Variants in RPS6KA2 observed in about 807,000 individuals in gnomAD.
RPS6KA2 encodes the protein ribosomal protein S6 kinase alpha-2.
In RPS6KA2, 42 loss-of-function variants were observed where a neutral mutation model predicts 91.8. That is an observed-to-expected ratio of 0.46 (90% confidence interval 0.36 to 0.59). The LOEUF is 0.59. Among genes scored for constraint, RPS6KA2 ranks in the 20% least tolerant of loss-of-function variants. The pLI is 0.00. For synonymous variants in RPS6KA2, 414 were observed against 393.6 expected (o/e 1.05, Z -0.61); for missense variants, 798 against 978.5 (o/e 0.82, Z 2.46).
intron 3 of RPS6KA2, among the ~76,000 whole-genome samples, chr6:166,522,603 CTG>C (rs1782898237): frequency 2.0e-5 from 3 of 152,224 alleles, no homozygotes; most frequent in African/African-American, 7.2e-5. Flanking sequence ...GTCTCCCCCA[CTG>C]CGCGGCCATT....
chr6:166,586,402 A>T (rs1459820524), intron 1 of RPS6KA2: 2 of 1,599,438 alleles, frequency 1.3e-6, no homozygotes, highest in Non-Finnish European at 1.7e-6. Flanking sequence ...TATTCCTGAT[A>T]CTCCTTGTCA....
rs751151339 is a variant in RPS6KA2, at chr6:166,498,590, G to A, written c.665C>T (p.Thr222Met). 10 of 1,613,700 alleles carry A rather than the reference G, an allele frequency of 6.2e-6. No individual in the cohort carries two copies. The highest frequency in any genetic ancestry group is 1.1e-5 in the South Asian group (1 of 91,036). ...HDKRAYSFCG[T>M]IEYMAPEVVN... is the part of the protein sequence containing the mutation. ...CACCTCGGGCGCCATGTACTCGATC[G>A]TCCCGCAGAAGGAGTACGCTCTCTT... Residue 222 changes from threonine (T) to methionine (M), a missense_variant, in exon 8 of 21, where the codon ACG becomes ATG. Physicochemically the swap from Thr to Met is moderately conservative, Grantham distance 81. Coordinates refer to ENST00000265678, the MANE Select transcript of RPS6KA2 (RefSeq NM_021135.6).
At chr6:166,687,631 T>A (rs1334616548) in intron 2 of RPS6KA2, among the ~76,000 whole-genome samples, 1 of 152,238 alleles carries the variant, frequency 6.6e-6, no homozygotes, top group Non-Finnish European at 1.5e-5. Context: ...ATTATTTGAA[T>A]TGCAGGAATC....
chr6:166,646,105 T>A (rs1787593014), intron 2 of RPS6KA2, among the ~76,000 whole-genome samples: 2 of 152,238 alleles, frequency 1.3e-5, no homozygotes, highest in Admixed American at 1.3e-4. Context: ...TTGGGAAATT[T>A]GCCATGGTCC....
intron 1 of RPS6KA2, among the ~76,000 whole-genome samples, chr6:166,574,228 C>T (rs191312598): frequency 1.8e-4 from 27 of 152,310 alleles, no homozygotes; most frequent in African/African-American, 4.8e-4. Flanking sequence ...TATTGCATGA[C>T]GCTGTGGCCT....
At chr6:166,600,286 C>G (rs115234956) in intron 1 of RPS6KA2, among the ~76,000 whole-genome samples, 13 of 152,180 alleles carry the variant, frequency 8.5e-5, no homozygotes, top group Admixed American at 7.9e-4. Flanking sequence ...ATGACAGGCA[C>G]GAGCCATCAT....
chr6:166,502,161 C>T (rs556190968), intron 6 of RPS6KA2, among the ~76,000 whole-genome samples: 3 of 152,018 alleles, frequency 2.0e-5, no homozygotes, highest in African/African-American at 7.3e-5. Flanking sequence ...TGGGAACGTG[C>T]TTAATGCCAC....
rs779331171 is a variant in RPS6KA2, at chr6:166,847,223, G to T, written c.123+10977C>A. On this transcript the variant is annotated intron_variant, in intron 2 of 21. Transcript: ENST00000503859. Reference sequence around the variant, plus strand: ...CCAAGGAGGTGAAAGACCTCTACAAGGAGAACTGTAAAAACACTGCTGAAA... The same window carrying T: ...CCAAGGAGGTGAAAGACCTCTACAATGAGAACTGTAAAAACACTGCTGAAA... Among the ~76,000 whole-genome samples the T allele has an allele frequency of 2.0e-5, 3 of 151,738 alleles. No homozygotes were observed. In the South Asian group the frequency reaches 6.3e-4, roughly 32 times the overall value.
At chr6:166,475,843 CAG>C (rs3830731) in intron 10 of RPS6KA2, 170,414 of 529,694 alleles carry the variant, frequency 0.32, 30,466 homozygotes, top group African/African-American at 0.56. Flanking sequence ...TTCTCACCTG[CAG>C]AGTGTAAGAG....
chr6:166,669,006 T>C (rs976646435), intron 2 of RPS6KA2, among the ~76,000 whole-genome samples: 2 of 151,484 alleles, frequency 1.3e-5, no homozygotes, highest in Non-Finnish European at 2.9e-5. Context: ...TCCTCCCACC[T>C]CAGCCTCCCA....
intron 3 of RPS6KA2, among the ~76,000 whole-genome samples, chr6:166,522,657 C>T (rs1462185113): frequency 1.3e-5 from 2 of 152,186 alleles, no homozygotes. Context: ...GGCTATTGAG[C>T]CTGAAATTAT....
intron 6 of RPS6KA2, among the ~76,000 whole-genome samples, chr6:166,502,874 TAA>T (rs1782072772): frequency 1.3e-5 from 2 of 152,210 alleles, no homozygotes; most frequent in Non-Finnish European, 2.9e-5. Context: ...TTACTCTGGA[TAA>T]AGTCTTTTTT....
intron 3 of RPS6KA2, among the ~76,000 whole-genome samples, chr6:166,526,728 C>T (rs1000323722): frequency 6.6e-6 from 1 of 152,132 alleles, no homozygotes; most frequent in Non-Finnish European, 1.5e-5. Context: ...AATAACTTTA[C>T]ATTACAAAAA....
chr6:166,615,785 G>T (rs1786386629), intron 1 of RPS6KA2, among the ~76,000 whole-genome samples: 1 of 152,154 alleles, frequency 6.6e-6, no homozygotes, highest in Non-Finnish European at 1.5e-5. Flanking sequence ...ACCCCCCCAG[G>T]ATGGGCGCTC....
chr6:166,425,797 T>C (rs1436085723), intron 16 of RPS6KA2, among the ~76,000 whole-genome samples: 1 of 152,152 alleles, frequency 6.6e-6, no homozygotes, highest in Non-Finnish European at 1.5e-5. Context: ...CCCAGATTCA[T>C]AAAGCAAGTC....
chr6:166,740,965 A>T (rs567178173), intron 2 of RPS6KA2, among the ~76,000 whole-genome samples: 11 of 152,248 alleles, frequency 7.2e-5, no homozygotes, highest in African/African-American at 2.7e-4. Context: ...TACCAACTGG[A>T]AATGCGCGTA....
rs563734583 is a variant in RPS6KA2 at position 166,504,226 on chromosome 6, G to A, written c.566+280C>T. On this transcript the variant is annotated intron_variant, in intron 6 of 20. Transcript: ENST00000265678. ...TGCCCCTCCCCAGCTCCGGCTTCCC[G>A]TGCATCACAGACATGCACCTGAGCC... 1.9e-4 allele frequency among the ~76,000 whole-genome samples: 29 copies of A among 152,316 alleles called. No individual in the cohort carries two copies. In the East Asian group the frequency reaches 4.2e-3, roughly 22 times the overall value.
chr6:166,429,511 C>T (rs1562487893), intron 16 of RPS6KA2, among the ~76,000 whole-genome samples: 1 of 152,114 alleles, frequency 6.6e-6, no homozygotes, highest in African/African-American at 2.4e-5. Flanking sequence ...AGTGCAGTGG[C>T]GTGATCTTGG....
Position 166,770,517 on chromosome 6 carries a change from C to T in RPS6KA2, c.123+87683G>A, listed in dbSNP as rs1218533939. 2.0e-5 allele frequency among the ~76,000 whole-genome samples: 3 copies of T among 152,228 alleles called. No homozygotes were observed. The highest frequency in any genetic ancestry group is 3.9e-4 in the East Asian group (2 of 5,188). On this transcript the variant is annotated intron_variant, in intron 2 of 21. Coordinates refer to the RPS6KA2 transcript ENST00000503859. The surrounding 1 kb of genome is among the most constrained non-coding windows in gnomAD (Gnocchi z 5.1). ...ATTTCAGCTTATTTTGAAGGCACGT[C>T]GTAGTTTTAAAAGGAATATTGGACA... is the stretch of plus-strand genomic sequence containing the variant.
Sources: allele counts gnomAD v4.1 joint callset (sites outside exome capture counted in the v4.1 genomes callset), GRCh38; gene constraint gnomAD v4.1.1; non-coding constraint Gnocchi (gnomAD v3.1); transcripts MANE v1.5; gene names NCBI Gene and HGNC (gene_info 2026-07-23, HGNC 2026-07-21).